DOCK1: variants seen among roughly 807,000 people sequenced by gnomAD.
DOCK1 encodes the protein dedicator of cytokinesis 1.
In DOCK1, 138 loss-of-function variants were observed where a neutral mutation model predicts 262.7. That is an observed-to-expected ratio of 0.53 (90% CI 0.46 to 0.61). DOCK1 has a LOEUF of 0.61. Among genes scored for constraint, DOCK1 ranks in the 20% least tolerant of loss-of-function variants. The probability of loss-of-function intolerance (pLI) is 0.00; values close to 1 mark genes in which losing one functional copy is unlikely to be tolerated. For synonymous variants in DOCK1, 866 were observed against 867.4 expected, an observed-to-expected ratio of 1.00 and a Z score of 0.03; for missense variants, 1,908 against 2,370.7, an observed-to-expected ratio of 0.80 and a Z score of 4.05.
chr10:127,117,031 C>T lies in DOCK1; in HGVS notation c.2623+6677C>T, dbSNP rs2049226189. ...CCTCATTCTGTATATCATTCTCTGTCTTTCATTATATATGTTTTTGAAAAG... is the reference window on the plus strand; with the variant it reads ...CCTCATTCTGTATATCATTCTCTGTTTTTCATTATATATGTTTTTGAAAAG... On this transcript the variant is annotated intron_variant, in intron 25 of 51. Transcript: ENST00000623213. Among the ~76,000 whole-genome samples, 3 of 152,144 alleles carry T rather than the reference C, an allele frequency of 2.0e-5. No individual in the cohort carries two copies. In the South Asian group the frequency reaches 6.2e-4, roughly 31 times the overall value.
rs984505507 is a variant in DOCK1 at position 127,119,199 on chromosome 10, G to A, written c.2624-6275G>A. ...GCTGGGACTACAGGCGCCTGCCACC[G>A]TGGCCGACTAATTTTGTTTTTGTAT... On this transcript the variant is annotated intron_variant, in intron 25 of 51. Coordinates refer to ENST00000623213, the MANE Select transcript of DOCK1 (RefSeq NM_001290223.2). Among the ~76,000 whole-genome samples the A allele has an allele frequency of 2.6e-5, 4 of 152,166 alleles. No individual in the cohort carries two copies. The East Asian group carries it at 5.8e-4, about 22-fold the overall frequency.
At chr10:127,414,555 G>A (rs1050236386) in intron 43 of DOCK1, among the ~76,000 whole-genome samples, 3 of 152,136 alleles carry the variant, frequency 2.0e-5, no homozygotes, top group African/African-American at 7.2e-5. Flanking sequence ...AAGAAGTCTT[G>A]AACAATAGAT....
chr10:127,412,420 A>G (rs999243187), intron 43 of DOCK1, among the ~76,000 whole-genome samples: 7 of 152,142 alleles, frequency 4.6e-5, no homozygotes, highest in Non-Finnish European at 1.0e-4. Context: ...AAGGCATCAA[A>G]TAAGCCATAA....
At chr10:127,387,301 C>T (rs1407843510) in intron 38 of DOCK1, among the ~76,000 whole-genome samples, 3 of 152,240 alleles carry the variant, frequency 2.0e-5, no homozygotes, top group Non-Finnish European at 2.9e-5. Flanking sequence ...TTCTGCTGCA[C>T]TGCCTTGAGG....
chr10:126,988,184 A>G (rs967145377), intron 5 of DOCK1: 2 of 152,216 alleles, frequency 1.3e-5, no homozygotes, highest in Admixed American at 6.5e-5. Flanking sequence ...TAATGCAGAG[A>G]GGTTGAAGCT....
chr10:127,262,213 C>CAT (rs372547717), intron 29 of DOCK1, among the ~76,000 whole-genome samples: 1,389 of 126,404 alleles, frequency 0.011, 51 homozygotes, highest in African/African-American at 0.03. Flanking sequence ...TGTGTGTGTG[C>CAT]GTGTGTGTGT....
At chr10:126,931,643 T>G (rs1283427860) in intron 1 of DOCK1, among the ~76,000 whole-genome samples, 3 of 152,188 alleles carry the variant, frequency 2.0e-5, no homozygotes, top group Non-Finnish European at 4.4e-5. Context: ...TTCCAGGAGT[T>G]TTCCAGCTCC....
intron 1 of DOCK1, among the ~76,000 whole-genome samples, chr10:126,945,450 G>C (rs1462868203): frequency 1.3e-5 from 2 of 151,474 alleles, no homozygotes; most frequent in Non-Finnish European, 2.9e-5. Context: ...GAGGGGAGAA[G>C]GGGAAAGAGA....
At chr10:127,156,556 CTTCTTCTTTTTTTTTTTT>C (rs1199520207) in intron 27 of DOCK1, among the ~76,000 whole-genome samples, 1 of 94,808 alleles carries the variant, frequency 1.1e-5, no homozygotes, top group Non-Finnish European at 2.2e-5. Context: ...TCTTCTTCTT[CTTCTTCTTTTTTTTTTTT>C]TTTTTTTTTT....
rs2050862798 is a variant in DOCK1 at position 127,138,117 on chromosome 10, TTGTAA to T, written c.2847+10360_2847+10364del. The T allele has an allele frequency of 2.8e-6, 3 of 1,068,600 alleles. No homozygotes were observed. In the East Asian group the frequency reaches 7.3e-5, roughly 26 times the overall value. 66.2% of individuals were successfully genotyped at this position (1,068,600 alleles called of 1,614,324 possible). On this transcript the variant is annotated intron_variant, in intron 27 of 51. Coordinates refer to ENST00000623213, the MANE Select transcript of DOCK1 (RefSeq NM_001290223.2). ...AGATTTGGGCATGATCAGTGTGTGT[TTGTAA>T]TGTAATTTTATGGTTTAATAATAGC...
intron 23 of DOCK1, among the ~76,000 whole-genome samples, chr10:127,099,843 A>G (rs1028567333): frequency 6.6e-6 from 1 of 152,174 alleles, no homozygotes; most frequent in Admixed American, 6.5e-5. Flanking sequence ...CCTGGACGAA[A>G]TGATGTCTAA....
chr10:126,942,096 C>T (rs1421047033), intron 1 of DOCK1, among the ~76,000 whole-genome samples: 2 of 151,866 alleles, frequency 1.3e-5, no homozygotes, highest in African/African-American at 4.8e-5. Context: ...ACGATCTCGG[C>T]TCACTGCAAG....
chr10:126,932,581 C>T (rs1411068672), intron 1 of DOCK1, among the ~76,000 whole-genome samples: 1 of 152,120 alleles, frequency 6.6e-6, no homozygotes, highest in Non-Finnish European at 1.5e-5. Context: ...CTTGGAGCAG[C>T]GGGTGGGACC....
intron 27 of DOCK1, among the ~76,000 whole-genome samples, chr10:127,236,515 T>TG (rs1275692729): frequency 6.9e-6 from 1 of 145,940 alleles, no homozygotes; most frequent in Non-Finnish European, 1.5e-5. Flanking sequence ...TTTTTTTTTT[T>TG]TTTTTTTTTT....
chr10:127,247,008 CAAGG>C, intron 27 of DOCK1, among the ~76,000 whole-genome samples: 1 of 152,234 alleles, frequency 6.6e-6, no homozygotes, highest in Non-Finnish European at 1.5e-5. Flanking sequence ...TATTTAAAAG[CAAGG>C]AAGGCTTTAC....
intron 29 of DOCK1, among the ~76,000 whole-genome samples, chr10:127,316,235 C>T (rs891276826): frequency 6.6e-6 from 1 of 152,124 alleles, no homozygotes; most frequent in African/African-American, 2.4e-5. Flanking sequence ...ACTCTGGTCC[C>T]GTGCTGTACC....
At chr10:127,443,234 T>G (rs1183257139) in intron 49 of DOCK1, among the ~76,000 whole-genome samples, 1 of 152,232 alleles carries the variant, frequency 6.6e-6, no homozygotes, top group African/African-American at 2.4e-5. Context: ...CCTGTCCTGT[T>G]GGAATTGGAC....
chr10:127,435,848 A>C (rs1316256537), intron 48 of DOCK1, among the ~76,000 whole-genome samples: 1 of 152,232 alleles, frequency 6.6e-6, no homozygotes. Flanking sequence ...CTCAAATGGC[A>C]CAGGTTACAT....
intron 1 of DOCK1, among the ~76,000 whole-genome samples, chr10:126,917,763 T>C (rs183623290): frequency 6.6e-5 from 10 of 151,870 alleles, no homozygotes; most frequent in Admixed American, 5.9e-4. Context: ...TAGGTGGAAG[T>C]GGGAAGGAGG....
Sources: allele counts gnomAD v4.1 joint callset (sites outside exome capture counted in the v4.1 genomes callset), GRCh38; gene constraint gnomAD v4.1.1; transcripts MANE v1.5; gene names NCBI Gene and HGNC (gene_info 2026-07-23, HGNC 2026-07-21).